HAND2: variants seen among roughly 807,000 people sequenced by gnomAD.
HAND2 encodes heart and neural crest derivatives expressed 2.
A neutral mutation model predicts 14.7 loss-of-function variants in HAND2; 2 were observed. The observed-to-expected ratio is 0.14, with a 90% CI of 0.06 to 0.43. HAND2 has a LOEUF of 0.43. Ranked by LOEUF, HAND2 falls within the 20% of genes least tolerant of loss-of-function variation. The pLI is 0.99. For synonymous variants in HAND2, 162 were observed against 135.9 expected (o/e 1.19, Z -1.34); for missense variants, 275 against 313.6 (o/e 0.88, Z 0.93).
chr4:173,527,264 C>G lies in HAND2; in HGVS notation c.*13G>C, dbSNP rs771251278. On this transcript the variant is annotated 3_prime_UTR_variant, in exon 2 of 2. Coordinates refer to ENST00000359562, the MANE Select transcript of HAND2 (RefSeq NM_021973.3). ...GCTCACTCGCGCTCTCCTCCTCCTC[C>G]TTCTCCTCCTCCTCACTGCTTGAGC... 8.8e-6 allele frequency: 14 copies of G among 1,584,196 alleles called. No homozygotes were observed. In the South Asian group the frequency reaches 1.4e-4, roughly 16 times the overall value.
Position 173,529,047 on chromosome 4 carries a change from C to G in HAND2, c.243G>C (p.Gly81=), listed in dbSNP as rs778431350. The stretch of plus-strand genomic sequence containing the variant: ...GGGGCCCGGCGCCCGGCGGCACCCC[C>G]CCGTAATGGGAGTGGTCCAGGCCGG... ...GAAGLDHSHY[G]GVPPGAGPPG... The change falls in exon 1 of 2, where the codon GGG becomes GGC. Residue 81 remains glycine (G), a synonymous_variant. Coordinates refer to ENST00000359562, the MANE Select transcript of HAND2 (RefSeq NM_021973.3). 5 of 1,499,116 alleles carry G rather than the reference C, an allele frequency of 3.3e-6. No individual in the cohort carries two copies. The highest frequency in any genetic ancestry group is 2.7e-5 in the South Asian group (2 of 73,436). The allele number at this position is 1,499,116 out of a possible 1,614,324, so 92.9% of individuals were successfully genotyped here.
At position 173,527,032 on chromosome 4, in the gene HAND2, C is replaced by A. The variant is rs1579036354; in HGVS notation, c.*245G>T. 1.5e-6 allele frequency: 1 copy of A among 663,914 alleles called. No homozygotes were observed. Among genetic ancestry groups the A allele is most frequent in the Non-Finnish European group, 2.8e-6 (1 of 360,930 alleles). 41.1% of individuals were successfully genotyped at this position (663,914 alleles called of 1,614,324 possible). On this transcript the variant is annotated 3_prime_UTR_variant, in exon 2 of 2. Coordinates refer to ENST00000359562, the MANE Select transcript of HAND2 (RefSeq NM_021973.3). ...CCTTACCACACGGGAGTGTCCTCTT[C>A]GTATTAAAATATGGAATGCTTTTCT...
Position 173,528,410 on chromosome 4 carries a change from T to C in HAND2, c.555+325A>G. ...AAAGAAGGGTCTAACAGAGACGGGG[T>C]GAGGCATCCAGACCAGTGCGATCGC... On this transcript the variant is annotated intron_variant, in intron 1 of 1. Transcript: ENST00000359562. This position sits in a 1 kb window ranked among gnomAD's most constrained non-coding sequence, Gnocchi z 5.6. 1 of 365,414 alleles carries C rather than the reference T, an allele frequency of 2.7e-6. No homozygotes were observed. Among genetic ancestry groups the C allele is most frequent in the Non-Finnish European group, 5.1e-6 (1 of 195,304 alleles). The allele number at this position is 365,414 out of a possible 1,614,324, so 22.6% of individuals were successfully genotyped here. A position where few individuals can be genotyped will look rare whatever the true frequency, so the allele number is the denominator to read the frequency against.
In HAND2 at chr4:173,529,021, G is replaced by C. The variant is rs766470524; in HGVS notation, c.269C>G (p.Pro90Arg). ...YGGVPPGAGP[P>R]GLGGPRPVKR... is the part of the protein sequence containing the mutation. ...CACCGGGCGCGGCCCCCCCAGGCCCGGGGGCCCGGCGCCCGGCGGCACCCC... is the reference window on the plus strand; with the variant it reads ...CACCGGGCGCGGCCCCCCCAGGCCCCGGGGCCCGGCGCCCGGCGGCACCCC... Residue 90 changes from proline (P) to arginine (R), a missense_variant, in exon 1 of 2, where the codon CCG becomes CGG. Pro to Arg is a moderately radical substitution (Grantham distance 103). Transcript: ENST00000359562. 36 of 1,550,740 alleles carry C rather than the reference G, an allele frequency of 2.3e-5. 1 individual carries two copies. The Middle Eastern group carries it at 6.3e-4, about 27-fold the overall frequency.
Position 173,528,595 on chromosome 4 carries a change from A to G in HAND2, c.555+140T>C, listed in dbSNP as rs891319959. 1.9e-6 allele frequency: 2 copies of G among 1,044,126 alleles called. No homozygotes were observed. The highest frequency in any genetic ancestry group is 2.1e-5 in the Admixed American group (1 of 47,944). The allele number at this position is 1,044,126 out of a possible 1,614,324, so 64.7% of individuals were successfully genotyped here. A position where few individuals can be genotyped will look rare whatever the true frequency, so the allele number is the denominator to read the frequency against. On this transcript the variant is annotated intron_variant, in intron 1 of 1. Transcript: ENST00000359562. The surrounding 1 kb of genome is among the most constrained non-coding windows in gnomAD (Gnocchi z 5.6). Reference sequence around the variant, plus strand: ...TGCTTATGCCGGAAGCCATCCTTACACAACCTGGTGCAAACAACCTTGAAG... The same window carrying G: ...TGCTTATGCCGGAAGCCATCCTTACGCAACCTGGTGCAAACAACCTTGAAG...
Position 173,528,677 on chromosome 4 carries a change from G to C in HAND2, c.555+58C>G, listed in dbSNP as rs145889866. 2.9e-5 allele frequency: 46 copies of C among 1,564,548 alleles called. 1 individual carries two copies. In the South Asian group the frequency reaches 4.7e-4, roughly 16 times the overall value. On this transcript the variant is annotated intron_variant, in intron 1 of 1. Coordinates refer to ENST00000359562, the MANE Select transcript of HAND2 (RefSeq NM_021973.3). The surrounding 1 kb of genome is among the most constrained non-coding windows in gnomAD (Gnocchi z 5.6). ...TTCTCAGCCCAATTGGAAAGAGGCC[G>C]GGAGCACCAGTTCCCTGACCCCCTC... is the stretch of plus-strand genomic sequence containing the variant.
At position 173,529,104 on chromosome 4, in the gene HAND2, C is replaced by T; in HGVS notation, c.186G>A (p.Leu62=). The change falls in exon 1 of 2, where the codon CTG becomes CTA. Residue 62 remains leucine (L), a synonymous_variant. Transcript: ENST00000359562. Reference sequence around the variant, plus strand: ...CGCTGGCATACTCGGGGCTGTAGGACAGGGCCATGCTGTAGTCGGGGGGCG... The same window carrying T: ...CGCTGGCATACTCGGGGCTGTAGGATAGGGCCATGCTGTAGTCGGGGGGCG... The part of the protein sequence containing the change: ...EMSPPDYSMA[L]SYSPEYASGA... The T allele has an allele frequency of 6.7e-7, 1 of 1,500,580 alleles. No homozygotes were observed. Among genetic ancestry groups the T allele is most frequent in the Non-Finnish European group, 8.8e-7 (1 of 1,135,564 alleles). The allele number at this position is 1,500,580 out of a possible 1,614,324, so 93.0% of individuals were successfully genotyped here.
In HAND2 at chr4:173,527,235, C is replaced by T; in HGVS notation, c.*42G>A. Reference sequence around the variant, plus strand: ...CTGGGTCTGCATCTGGCGCCTTGGCCCCTGCTCACTCGCGCTCTCCTCCTC... The same window carrying T: ...CTGGGTCTGCATCTGGCGCCTTGGCTCCTGCTCACTCGCGCTCTCCTCCTC... On this transcript the variant is annotated 3_prime_UTR_variant, in exon 2 of 2. Transcript: ENST00000359562. 1 of 1,375,508 alleles carries T rather than the reference C, an allele frequency of 7.3e-7. No individual in the cohort carries two copies. Among genetic ancestry groups the T allele is most frequent in the Non-Finnish European group, 1.0e-6 (1 of 968,984 alleles). 85.2% of individuals were successfully genotyped at this position (1,375,508 alleles called of 1,614,324 possible).
In HAND2 at chr4:173,528,660, C is replaced by T; in HGVS notation, c.555+75G>A. On this transcript the variant is annotated intron_variant, in intron 1 of 1. Coordinates refer to ENST00000359562, the MANE Select transcript of HAND2 (RefSeq NM_021973.3). The surrounding 1 kb of genome is among the most constrained non-coding windows in gnomAD (Gnocchi z 5.6). ...AGAACACGAGATGCCATTTCTCAGC[C>T]CAATTGGAAAGAGGCCGGGAGCACC... is the stretch of plus-strand genomic sequence containing the variant. 6.5e-7 allele frequency: 1 copy of T among 1,532,834 alleles called. No homozygotes were observed. Among genetic ancestry groups the T allele is most frequent in the Non-Finnish European group, 8.8e-7 (1 of 1,134,560 alleles). 95.0% of individuals were successfully genotyped at this position (1,532,834 alleles called of 1,614,324 possible).
chr4:173,527,225 G>A lies in HAND2; in HGVS notation c.*52C>T. On this transcript the variant is annotated 3_prime_UTR_variant, in exon 2 of 2. Coordinates refer to ENST00000359562, the MANE Select transcript of HAND2 (RefSeq NM_021973.3). ...TTCCGGAGTCCTGGGTCTGCATCTG[G>A]CGCCTTGGCCCCTGCTCACTCGCGC... 2 of 1,237,528 alleles carry A rather than the reference G, an allele frequency of 1.6e-6. No individual in the cohort carries two copies. Among genetic ancestry groups the A allele is most frequent in the South Asian group, 1.2e-5 (1 of 83,842 alleles). The allele number at this position is 1,237,528 out of a possible 1,614,324, so 76.7% of individuals were successfully genotyped here.
Position 173,527,351 on chromosome 4 carries a change from T to A in HAND2, c.580A>T (p.Ser194Cys), listed in dbSNP as rs752758523. The change falls in exon 2 of 2, where the codon AGC becomes TGC. Residue 194 changes from serine (S) to cysteine (C), a missense_variant. Ser to Cys is a moderately radical substitution (Grantham distance 112, BLOSUM62 -1). This residue lies in a region of HAND2 where 54 missense variants were observed against 54.3 expected (regional missense o/e 0.99). Coordinates refer to ENST00000359562, the MANE Select transcript of HAND2 (RefSeq NM_021973.3). ...ELNEILKSTVSSNDKKTKGRT... is the reference protein window; with the variant it reads ...ELNEILKSTVCSNDKKTKGRT... ...CCTTTGGTTTTCTTGTCGTTGCTGC[T>A]CACTGTGCTTTTCAAGATTTCGTTC... 3.3e-5 allele frequency: 54 copies of A among 1,613,436 alleles called. No homozygotes were observed. Among genetic ancestry groups the A allele is most frequent in the Non-Finnish European group, 8.5e-7 (1 of 1,179,656 alleles).
In HAND2 at chr4:173,529,281, C is replaced by T. The variant is rs1431675919; in HGVS notation, c.9G>A (p.Leu3=). 1.2e-5 allele frequency: 16 copies of T among 1,346,060 alleles called. No individual in the cohort carries two copies. The highest frequency in any genetic ancestry group is 1.4e-5 in the Non-Finnish European group (15 of 1,057,810). The allele number at this position is 1,346,060 out of a possible 1,614,324, so 83.4% of individuals were successfully genotyped here. A position where few individuals can be genotyped will look rare whatever the true frequency, so the allele number is the denominator to read the frequency against. The change falls in exon 1 of 2, where the codon CTG becomes CTA. Residue 3 remains leucine, a synonymous_variant. Coordinates refer to ENST00000359562, the MANE Select transcript of HAND2 (RefSeq NM_021973.3). Reference sequence around the variant, plus strand: ...CCGGGTGGTGGGGAAAACCACCTACCAGACTCATTTCGCCCTCCGCGCCCC... The same window carrying T: ...CCGGGTGGTGGGGAAAACCACCTACTAGACTCATTTCGCCCTCCGCGCCCC... MS[L]VGGFPHHPVV... is the part of the protein sequence containing the mutation.
rs1731586342 is a variant in HAND2, at chr4:173,528,681, G to A, written c.555+54C>T. The A allele has an allele frequency of 1.9e-6, 3 of 1,569,766 alleles. No homozygotes were observed. Among genetic ancestry groups the A allele is most frequent in the Middle Eastern group, 1.7e-4 (1 of 6,008 alleles). On this transcript the variant is annotated intron_variant, in intron 1 of 1. Coordinates refer to ENST00000359562, the MANE Select transcript of HAND2 (RefSeq NM_021973.3). This position sits in a 1 kb window ranked among gnomAD's most constrained non-coding sequence, Gnocchi z 5.6. ...CAGCCCAATTGGAAAGAGGCCGGGAGCACCAGTTCCCTGACCCCCTCAGCC... is the reference window on the plus strand; with the variant it reads ...CAGCCCAATTGGAAAGAGGCCGGGAACACCAGTTCCCTGACCCCCTCAGCC...
chr4:173,529,084 G>C lies in HAND2; in HGVS notation c.206C>G (p.Ala69Gly), dbSNP rs768515588. The C allele has an allele frequency of 2.0e-6, 3 of 1,508,560 alleles. No individual in the cohort carries two copies. The highest frequency in any genetic ancestry group is 1.4e-5 in the South Asian group (1 of 73,180). 93.4% of individuals were successfully genotyped at this position (1,508,560 alleles called of 1,614,324 possible). A position where few individuals can be genotyped will look rare whatever the true frequency, so the allele number is the denominator to read the frequency against. Residue 69 changes from alanine to glycine, a missense_variant, in exon 1 of 2, where the codon GCC (alanine) becomes GGC (glycine). Coordinates refer to ENST00000359562, the MANE Select transcript of HAND2 (RefSeq NM_021973.3). ...SMALSYSPEY[A>G]SGAAGLDHSH... ...GTGGTCCAGGCCGGCGGCGCCGCTG[G>C]CATACTCGGGGCTGTAGGACAGGGC...
In HAND2 at chr4:173,526,962, A is replaced by C. The variant is rs1731472658; in HGVS notation, c.*315T>G. 1 of 562,476 alleles carries C rather than the reference A, an allele frequency of 1.8e-6. No individual in the cohort carries two copies. The highest frequency in any genetic ancestry group is 4.1e-5 in the East Asian group (1 of 24,140). The allele number at this position is 562,476 out of a possible 1,614,324, so 34.8% of individuals were successfully genotyped here. A position where few individuals can be genotyped will look rare whatever the true frequency, so the allele number is the denominator to read the frequency against. On this transcript the variant is annotated 3_prime_UTR_variant, in exon 2 of 2. Coordinates refer to ENST00000359562, the MANE Select transcript of HAND2 (RefSeq NM_021973.3). ...GGGCAACGCTGGTGTCTACACAGCCAAGAGGGAACATTCACGCACACAGAA... is the reference window on the plus strand; with the variant it reads ...GGGCAACGCTGGTGTCTACACAGCCCAGAGGGAACATTCACGCACACAGAA...
chr4:173,527,250 C>T lies in HAND2; in HGVS notation c.*27G>A. ...GCGCCTTGGCCCCTGCTCACTCGCG[C>T]TCTCCTCCTCCTCCTTCTCCTCCTC... On this transcript the variant is annotated 3_prime_UTR_variant, in exon 2 of 2. Coordinates refer to ENST00000359562, the MANE Select transcript of HAND2 (RefSeq NM_021973.3). The T allele has an allele frequency of 1.3e-6, 2 of 1,510,800 alleles. No individual in the cohort carries two copies. Among genetic ancestry groups the T allele is most frequent in the South Asian group, 2.2e-5 (2 of 89,160 alleles). 93.6% of individuals were successfully genotyped at this position (1,510,800 alleles called of 1,614,324 possible).
At chr4:173,527,578 G>T in intron 1 of HAND2, 1 of 603,724 alleles carries the variant, frequency 1.7e-6, no homozygotes, top group Non-Finnish European at 3.0e-6. Flanking sequence ...CGGCGCTGCA[G>T]CGCTCAACAA....
rs904111973 is a variant in HAND2 at position 173,528,558 on chromosome 4, C to T, written c.555+177G>A. 5.8e-5 allele frequency: 41 copies of T among 704,158 alleles called. No individual in the cohort carries two copies. The highest frequency in any genetic ancestry group is 3.9e-4 in the Admixed American group (16 of 40,670). 43.6% of individuals were successfully genotyped at this position (704,158 alleles called of 1,614,324 possible). ...TTCTCCTCCTCCTGCTGACACCCTCCCCTCAACTCTCTGCTTATGCCGGAA... is the reference window on the plus strand; with the variant it reads ...TTCTCCTCCTCCTGCTGACACCCTCTCCTCAACTCTCTGCTTATGCCGGAA... On this transcript the variant is annotated intron_variant, in intron 1 of 1. Coordinates refer to ENST00000359562, the MANE Select transcript of HAND2 (RefSeq NM_021973.3). The surrounding 1 kb of genome is among the most constrained non-coding windows in gnomAD (Gnocchi z 5.6).
chr4:173,529,385 ACCCCCCAC>A lies in HAND2; in HGVS notation c.-104_-97del. ...GCCTCAGCGCTCGGCGTCCTCCCCC[ACCCCCCAC>A]CCCCCAGCCCCCGGGCGCCCGGGCC... On this transcript the variant is annotated 5_prime_UTR_variant, in exon 1 of 2. Coordinates refer to ENST00000359562, the MANE Select transcript of HAND2 (RefSeq NM_021973.3). 1 of 713,152 alleles carries A rather than the reference ACCCCCCAC, an allele frequency of 1.4e-6. No homozygotes were observed. Among genetic ancestry groups the A allele is most frequent in the Middle Eastern group, 5.1e-4 (1 of 1,970 alleles). The allele number at this position is 713,152 out of a possible 1,614,324, so 44.2% of individuals were successfully genotyped here. A position where few individuals can be genotyped will look rare whatever the true frequency, so the allele number is the denominator to read the frequency against.
Sources: allele counts gnomAD v4.1 joint callset, GRCh38; gene constraint gnomAD v4.1.1; regional missense constraint gnomAD v4.1.1; non-coding constraint Gnocchi (gnomAD v3.1); transcripts MANE v1.5; gene names NCBI Gene and HGNC (gene_info 2026-07-23, HGNC 2026-07-21).